Variants in SRA1 observed in about 807,000 individuals in gnomAD.
SRA1 encodes lncRNA SRA.
A neutral mutation model predicts 24.3 loss-of-function variants in SRA1; 25 were observed. The observed-to-expected ratio is 1.03, with a 90% CI of 0.75 to 1.43. The LOEUF is 1.43. Among genes scored for constraint, SRA1 ranks in the 40% most tolerant of loss-of-function variants. The probability of loss-of-function intolerance (pLI) is 0.00; values close to 1 mark genes in which losing one functional copy is unlikely to be tolerated. For missense variants in SRA1, 303 were observed against 286.6 expected (o/e 1.06, Z -0.41); for synonymous variants, 104 against 109.5 (o/e 0.95, Z 0.31).
chr5:140,556,797 TAAGTG>T, intron 2 of SRA1, among the ~76,000 whole-genome samples: 1 of 152,226 alleles, frequency 6.6e-6, no homozygotes, highest in Middle Eastern at 3.4e-3. Context: ...ATCATATACC[TAAGTG>T]AAGACAGAAT....
At position 140,557,282 on chromosome 5, in the gene SRA1, C is replaced by G; in HGVS notation, c.26-10G>C. On this transcript the variant is annotated splice_polypyrimidine_tract_variant and intron_variant, in intron 1 of 4. Coordinates refer to ENST00000336283, the MANE Select transcript of SRA1 (RefSeq NM_001035235.4). The stretch of plus-strand genomic sequence containing the variant: ...CCGCGTTCCTTGTTGCCTGCGGAGG[C>G]GAGGGATGTGTGAAGCGAGCCCGGA... The G allele has an allele frequency of 1.2e-6, 2 of 1,610,046 alleles. No homozygotes were observed. Among genetic ancestry groups the G allele is most frequent in the Non-Finnish European group, 1.7e-6 (2 of 1,179,882 alleles).
At chr5:140,552,240 T>G in intron 2 of SRA1, 56 bp from the exon 3 acceptor site, 1 of 1,320,422 alleles carries the variant, frequency 7.6e-7, no homozygotes, top group Non-Finnish European at 1.0e-6. Flanking sequence ...GAAGCTTAAC[T>G]CTAAATTCAC....
rs143611190 is a variant in SRA1, at chr5:140,552,155, G to A, written c.181C>T (p.Pro61Ser). 4.9e-4 allele frequency: 779 copies of A among 1,605,918 alleles called. 1 individual carries two copies. Among genetic ancestry groups the A allele is most frequent in the Non-Finnish European group, 6.2e-4 (733 of 1,176,594 alleles). ...GAAGGAGGTGGAGGCCCCATTGGGG[G>A]AGGCCCAGGAGAAGTCTCTGATGCG... is the stretch of plus-strand genomic sequence containing the variant. ...VPASETSPGP[P>S]PMGPPPPSSK... is the part of the protein sequence containing the mutation. The change falls in exon 3 of 5, where the codon CCC becomes TCC. Residue 61 changes from proline (P) to serine (S), a missense_variant. Pro to Ser is a moderately conservative substitution (Grantham distance 74). Coordinates refer to ENST00000336283, the MANE Select transcript of SRA1 (RefSeq NM_001035235.4).
chr5:140,551,145 G>C lies in SRA1; in HGVS notation c.379C>G (p.Arg127Gly). 6.2e-7 allele frequency: 1 copy of C among 1,614,044 alleles called. No individual in the cohort carries two copies. The highest frequency in any genetic ancestry group is 2.2e-5 in the East Asian group (1 of 44,878). Residue 127 changes from arginine to glycine, a missense_variant, in exon 4 of 5, where the codon CGA (arginine) becomes GGA (glycine). Physicochemically the swap from Arg to Gly is moderately radical, Grantham distance 125 (BLOSUM62 -2). Coordinates refer to ENST00000336283, the MANE Select transcript of SRA1 (RefSeq NM_001035235.4). Reference protein sequence around the residue: ...TRKQVCDDISRRLALLQEQWA... With the variant: ...TRKQVCDDISGRLALLQEQWA... ...TGTTCCTGCAGCAGTGCCAGGCGTC[G>C]GCTGATGTCATCACATACCTGCTTC...
chr5:140,554,498 A>G (rs1754640520), intron 2 of SRA1, among the ~76,000 whole-genome samples: 1 of 152,140 alleles, frequency 6.6e-6, no homozygotes, highest in Non-Finnish European at 1.5e-5. Context: ...TCCTCTTGTA[A>G]TAGATGAAAA....
chr5:140,557,399 T>A (rs1413375029), intron 1 of SRA1, 29 bp downstream of exon 1: 2 of 1,591,068 alleles, frequency 1.3e-6, no homozygotes, highest in African/African-American at 2.7e-5. Flanking sequence ...GGCGACAACC[T>A]AGTGCCCTAG....
chr5:140,554,596 A>G (rs1754643061), intron 2 of SRA1, among the ~76,000 whole-genome samples: 1 of 151,762 alleles, frequency 6.6e-6, no homozygotes, highest in Non-Finnish European at 1.5e-5. Context: ...TACTGTAACT[A>G]TCTTCTCTTG....
chr5:140,557,127 A>C lies in SRA1; in HGVS notation c.151+20T>G. On this transcript the variant is annotated intron_variant, in intron 2 of 4. Transcript: ENST00000336283. ...CCCCCCCATTCTCCGTCTGTCTCCG[A>C]GCACAGGGGCCCCACGCACCTCTGG... 10 of 1,309,792 alleles carry C rather than the reference A, an allele frequency of 7.6e-6. No individual in the cohort carries two copies. Among genetic ancestry groups the C allele is most frequent in the Non-Finnish European group, 1.1e-5 (10 of 939,070 alleles). 81.1% of individuals were successfully genotyped at this position (1,309,792 alleles called of 1,614,324 possible). A position where few individuals can be genotyped will look rare whatever the true frequency, so the allele number is the denominator to read the frequency against.
chr5:140,552,104 C>A lies in SRA1; in HGVS notation c.232G>T (p.Val78Leu), dbSNP rs1581397141. 2.5e-6 allele frequency: 4 copies of A among 1,613,718 alleles called. No individual in the cohort carries two copies. Among genetic ancestry groups the A allele is most frequent in the African/African-American group, 1.3e-5 (1 of 75,062 alleles). Residue 78 changes from valine to leucine, a missense_variant, in exon 3 of 5, where the codon GTG (valine) becomes TTG (leucine). Physicochemically the swap from Val to Leu is conservative, Grantham distance 32. Transcript: ENST00000336283. The stretch of plus-strand genomic sequence containing the variant: ...ACGCCAGAGGCAGGACCACTCCCCA[C>A]AGGTGGGGACCTGGGAGCCTTACTT... ...PSSKAPRSPP[V>L]GSGPASGVEP...
intron 2 of SRA1, 62 bp downstream of exon 2, chr5:140,557,085 T>G: frequency 1.4e-6 from 2 of 1,430,360 alleles, no homozygotes; most frequent in Non-Finnish European, 1.9e-6. Context: ...CAAACAGGCT[T>G]ATGCCTTACA....
At chr5:140,554,112 C>T (rs1245224204) in intron 2 of SRA1, among the ~76,000 whole-genome samples, 1 of 152,160 alleles carries the variant, frequency 6.6e-6, no homozygotes, top group Non-Finnish European at 1.5e-5. Context: ...AAAATCTGAT[C>T]ACCCCCTTAC....
intron 2 of SRA1, among the ~76,000 whole-genome samples, chr5:140,552,481 T>C (rs1247384435): frequency 2.6e-5 from 4 of 151,718 alleles, no homozygotes; most frequent in Non-Finnish European, 4.4e-5. Context: ...GGCAAAACCC[T>C]GTCTCTACTA....
Position 140,552,038 on chromosome 5 carries a change from C to T in SRA1, c.298G>A (p.Glu100Lys). The T allele has an allele frequency of 1.3e-6, 2 of 1,534,752 alleles. No homozygotes were observed. Among genetic ancestry groups the T allele is most frequent in the South Asian group, 1.1e-5 (1 of 87,600 alleles). ...TGTTCCAAAGGTCTCAGCACATCCTCCATCACAGCCTCAGACTCGACTGGG... is the reference window on the plus strand; with the variant it reads ...TGTTCCAAAGGTCTCAGCACATCCTTCATCACAGCCTCAGACTCGACTGGG... ...SFPVESEAVM[E>K]DVLRPLEQAL... is the part of the protein sequence containing the mutation. Residue 100 changes from glutamate to lysine, a missense_variant, in exon 3 of 5, where the codon GAG (glutamate) becomes AAG (lysine). Glu to Lys is a moderately conservative substitution (Grantham distance 56). Coordinates refer to ENST00000336283, the MANE Select transcript of SRA1 (RefSeq NM_001035235.4).
At chr5:140,557,563 TG>T (rs1279161395), upstream of SRA1, 33 of 1,275,408 alleles carry the variant, frequency 2.6e-5, no homozygotes, top group East Asian at 6.8e-4. Context: ...CCGTGGAGGA[TG>T]GATGCTGGTT....
intron 2 of SRA1, among the ~76,000 whole-genome samples, chr5:140,556,831 C>CTGGG (rs1754716147): frequency 6.6e-6 from 1 of 152,070 alleles, no homozygotes; most frequent in African/African-American, 2.4e-5. Flanking sequence ...GAATATGCCA[C>CTGGG]TATACGGTTC....
chr5:140,557,572 G>C, upstream of SRA1: 1 of 1,211,480 alleles, frequency 8.3e-7, no homozygotes, highest in Non-Finnish European at 1.1e-6. Context: ...ATGGATGCTG[G>C]TTCACAACCG....
chr5:140,555,246 C>A (rs1011359233), intron 2 of SRA1, among the ~76,000 whole-genome samples: 5 of 151,446 alleles, frequency 3.3e-5, no homozygotes, highest in Admixed American at 1.3e-4. Context: ...CTCCTATTTT[C>A]TTTTTTTATT....
Position 140,552,194 on chromosome 5 carries a change from T to A in SRA1, c.152-10A>T, listed in dbSNP as rs10589076. ...GTCTCTGATGCGGGGACTGAAAAGGTACAGCAGGATCAAGCAACATGGCTT... is the reference window on the plus strand; with the variant it reads ...GTCTCTGATGCGGGGACTGAAAAGGAACAGCAGGATCAAGCAACATGGCTT... On this transcript the variant is annotated splice_polypyrimidine_tract_variant and intron_variant, in intron 2 of 4. Coordinates refer to ENST00000336283, the MANE Select transcript of SRA1 (RefSeq NM_001035235.4). The A allele has an allele frequency of 0.45, 703,268 of 1,555,602 alleles. 162,236 individuals carry two copies. Among genetic ancestry groups the A allele is most frequent in the East Asian group, 0.54 (22,776 of 42,502 alleles).
chr5:140,554,420 T>TA (rs1367915588), intron 2 of SRA1, among the ~76,000 whole-genome samples: 5 of 152,214 alleles, frequency 3.3e-5, no homozygotes, highest in Non-Finnish European at 7.3e-5. Context: ...TAGAGGTCAT[T>TA]AAACAGAACT....
Sources: gnomAD v4.1 joint callset for allele counts (sites outside exome capture counted in the v4.1 genomes callset) on GRCh38, gnomAD v4.1.1 for gene constraint, MANE v1.5 for transcripts, NCBI Gene and HGNC (gene_info 2026-07-23, HGNC 2026-07-21) for gene names.